VRTN: variants seen among roughly 807,000 people sequenced by gnomAD.
VRTN encodes vertnin.
VRTN carries 5 observed loss-of-function variants against 18.2 expected under a neutral mutation model. That is an observed-to-expected ratio of 0.27 (90% confidence interval 0.14 to 0.58). The LOEUF is 0.58. Among genes scored for constraint, VRTN ranks in the 20% least tolerant of loss-of-function variants. The pLI, the probability that VRTN is intolerant of heterozygous loss-of-function variation, is 0.91. For missense variants in VRTN, 741 were observed against 939.4 expected (o/e 0.79, Z 2.76); for synonymous variants, 381 against 393.7 (o/e 0.97, Z 0.38).
chr14:74,347,198 C>T (rs998265353), upstream of VRTN, among the ~76,000 whole-genome samples: 1 of 152,154 alleles, frequency 6.6e-6, no homozygotes, highest in Non-Finnish European at 1.5e-5. Flanking sequence ...ACCCCATTAA[C>T]CACAAAGTCA....
intron 1 of VRTN, among the ~76,000 whole-genome samples, chr14:74,323,442 G>A (rs113388938): frequency 9.3e-4 from 141 of 151,984 alleles, no homozygotes; most frequent in Non-Finnish European, 1.8e-3. Context: ...AAATCAGCTG[G>A]GCGTGGTGGT....
At chr14:74,321,894 G>T (rs1238755611) in intron 1 of VRTN, among the ~76,000 whole-genome samples, 7 of 152,074 alleles carry the variant, frequency 4.6e-5, no homozygotes. Context: ...AGGCTGCAGT[G>T]CAGTGGTGCG....
At chr14:74,353,545 CTT>C in intron 1 of VRTN, among the ~76,000 whole-genome samples, 1 of 152,220 alleles carries the variant, frequency 6.6e-6, no homozygotes, top group South Asian at 2.1e-4. Flanking sequence ...ACTTCTCAAA[CTT>C]TTTGGTTTCA....
chr14:74,330,248 TGGAA>T (rs1470858430), intron 1 of VRTN, among the ~76,000 whole-genome samples: 2 of 151,814 alleles, frequency 1.3e-5, no homozygotes, highest in African/African-American at 4.8e-5. Flanking sequence ...TCTAAAGAAA[TGGAA>T]GGAAGGAAAG....
intron 1 of VRTN, among the ~76,000 whole-genome samples, chr14:74,328,021 C>T (rs1238815345): frequency 6.6e-6 from 1 of 152,100 alleles, no homozygotes; most frequent in Admixed American, 6.6e-5. Context: ...GCGCCTGGCC[C>T]TTGTGGGTGA....
intron 1 of VRTN, among the ~76,000 whole-genome samples, chr14:74,320,183 G>A (rs1468349962): frequency 6.6e-6 from 1 of 151,728 alleles, no homozygotes; most frequent in African/African-American, 2.4e-5. Flanking sequence ...CTCAGTCTTC[G>A]AGGCTGCAGT....
upstream of VRTN, among the ~76,000 whole-genome samples, chr14:74,345,531 T>G (rs930527752): frequency 6.6e-6 from 1 of 151,578 alleles, no homozygotes; most frequent in African/African-American, 2.4e-5. Context: ...TTTATATTTC[T>G]AGTAGAGACA....
chr14:74,338,961 G>A (rs1177543035), intron 2 of VRTN, among the ~76,000 whole-genome samples: 7 of 152,104 alleles, frequency 4.6e-5, no homozygotes, highest in African/African-American at 1.7e-4. Flanking sequence ...CTGACTTCAG[G>A]TGATCTGCCT....
At chr14:74,319,362 T>C (rs2085438066) in intron 1 of VRTN, among the ~76,000 whole-genome samples, 1 of 152,198 alleles carries the variant, frequency 6.6e-6, no homozygotes, top group Admixed American at 6.5e-5. Flanking sequence ...TTTATAGTAT[T>C]TTGACAATAG....
Position 74,358,252 on chromosome 14 carries a change from AC to A in VRTN, c.1472del (p.Pro491LeufsTer10). ...GGGGCAGGGAATGCCACAGGTGAGG[AC>A]CCTCCCGCCCCCGGGGAGCTCCTGC... The part of the protein sequence containing the change: ...EEGAGNATGE[D>X]PPAPGELLPL... On this transcript the variant is annotated frameshift_variant, in exon 2 of 2. Coordinates refer to ENST00000256362, the MANE Select transcript of VRTN (RefSeq NM_018228.3). LOFTEE classifies it low-confidence loss of function (END_TRUNC). The surrounding 1 kb of genome is among the most constrained non-coding windows in gnomAD (Gnocchi z 5.4). 1 of 1,608,686 alleles carries A rather than the reference AC, an allele frequency of 6.2e-7. No homozygotes were observed.
chr14:74,320,912 A>G (rs2140196628), intron 1 of VRTN, among the ~76,000 whole-genome samples: 1 of 149,132 alleles, frequency 6.7e-6, no homozygotes, highest in Non-Finnish European at 1.5e-5. Context: ...AAAAAAAAAA[A>G]AAAAAAAAAA....
chr14:74,353,680 C>T (rs1477111539), intron 1 of VRTN, among the ~76,000 whole-genome samples: 1 of 151,460 alleles, frequency 6.6e-6, no homozygotes. Flanking sequence ...TATACAGTAA[C>T]AAATAATCAT....
At chr14:74,345,342 G>A (rs2085636533), upstream of VRTN, among the ~76,000 whole-genome samples, 1 of 139,766 alleles carries the variant, frequency 7.2e-6, no homozygotes, top group South Asian at 2.3e-4. Context: ...ACTGCACCCT[G>A]CCTATTTTTT....
At chr14:74,345,432 A>C (rs1310094080), upstream of VRTN, among the ~76,000 whole-genome samples, 2 of 137,908 alleles carry the variant, frequency 1.5e-5, no homozygotes, top group African/African-American at 2.8e-5. Flanking sequence ...GCTCACTGCA[A>C]CCTCTGTCTC....
At chr14:74,310,414 AAAG>A (rs2085380255) in intron 1 of VRTN, among the ~76,000 whole-genome samples, 1 of 151,616 alleles carries the variant, frequency 6.6e-6, no homozygotes, top group Non-Finnish European at 1.5e-5. Flanking sequence ...AAAAAAAAAA[AAAG>A]GAGAAGTAGC....
rs763619284 is a variant in VRTN at position 74,357,228 on chromosome 14, C to G, written c.445C>G (p.Pro149Ala). ...SEESPEMTSL[P>A]PATLEAIFDA... ...GGAGTCCCCTGAGATGACCAGCTTGCCCCCCGCCACGCTGGAGGCCATCTT... is the reference window on the plus strand; with the variant it reads ...GGAGTCCCCTGAGATGACCAGCTTGGCCCCCGCCACGCTGGAGGCCATCTT... Residue 149 changes from proline to alanine, a missense_variant, in exon 2 of 2, where the codon CCC becomes GCC. Pro to Ala is a conservative substitution (Grantham distance 27, BLOSUM62 -1). This residue lies in a region of VRTN where 186 missense variants were observed against 288.3 expected (regional missense o/e 0.65). Transcript: ENST00000256362. The surrounding 1 kb of genome is among the most constrained non-coding windows in gnomAD (Gnocchi z 7.8). 1 of 1,612,574 alleles carries G rather than the reference C, an allele frequency of 6.2e-7. No individual in the cohort carries two copies. Among genetic ancestry groups the G allele is most frequent in the African/African-American group, 1.3e-5 (1 of 74,922 alleles).
At chr14:74,337,279 G>A (rs1447781766) in intron 1 of VRTN, among the ~76,000 whole-genome samples, 1 of 152,068 alleles carries the variant, frequency 6.6e-6, no homozygotes, top group East Asian at 1.9e-4. Context: ...GGAGGCGGAG[G>A]TTGCAGTGAG....
In VRTN at chr14:74,304,757, G is replaced by A. The variant is rs141756211; in HGVS notation, c.-164+1581G>A. Among the ~76,000 whole-genome samples, 1,241 of 152,166 alleles carry A rather than the reference G, an allele frequency of 8.2e-3. 10 individuals carry two copies. Among genetic ancestry groups the A allele is most frequent in the African/African-American group, 0.028 (1,178 of 41,524 alleles). On this transcript the variant is annotated intron_variant, in intron 1 of 2. Coordinates refer to the VRTN transcript ENST00000557177. The stretch of plus-strand genomic sequence containing the variant: ...CACTGCCCCAGAACCAAAGAGAAAG[G>A]CATTTAACTCAGCATGGGGAAAAGT...
intron 1 of VRTN, among the ~76,000 whole-genome samples, chr14:74,316,641 T>C (rs950224156): frequency 2.0e-5 from 3 of 148,348 alleles, no homozygotes; most frequent in African/African-American, 7.4e-5. Context: ...ATTATTCTTT[T>C]TTTTTTTTTT....
Sources: gnomAD v4.1 joint callset for allele counts (sites outside exome capture counted in the v4.1 genomes callset) on GRCh38, gnomAD v4.1.1 for gene constraint, gnomAD v4.1.1 regional missense constraint, Gnocchi (gnomAD v3.1) non-coding constraint, MANE v1.5 for transcripts, NCBI Gene and HGNC (gene_info 2026-07-23, HGNC 2026-07-21) for gene names.